Variants in ARHGAP28 observed in about 807,000 individuals in gnomAD.
ARHGAP28 encodes the protein Rho GTPase activating protein 28.
A neutral mutation model predicts 90.7 loss-of-function variants in ARHGAP28; 56 were observed. That is an observed-to-expected ratio of 0.62 (90% CI 0.50 to 0.77). ARHGAP28 has a LOEUF of 0.77. Among genes scored for constraint, ARHGAP28 ranks in the 30% least tolerant of loss-of-function variants. The probability of loss-of-function intolerance (pLI) is 0.00; values close to 1 mark genes in which losing one functional copy is unlikely to be tolerated. For synonymous variants in ARHGAP28, 308 were observed against 323.3 expected (o/e 0.95, Z 0.51); for missense variants, 869 against 900.9 (o/e 0.96, Z 0.45).
In ARHGAP28 at chr18:6,889,848, A is replaced by T. The variant is rs747087674; in HGVS notation, c.1537-40A>T. On this transcript the variant is annotated intron_variant, in intron 12 of 17. Coordinates refer to ENST00000383472, the MANE Select transcript of ARHGAP28 (RefSeq NM_001366230.1). Reference sequence around the variant, plus strand: ...ATGATAGCAATCAGGGGCACTTTTGACAGTGTACAATTGTATGACACAATG... The same window carrying T: ...ATGATAGCAATCAGGGGCACTTTTGTCAGTGTACAATTGTATGACACAATG... The T allele has an allele frequency of 1.9e-6, 3 of 1,592,768 alleles. No individual in the cohort carries two copies. In the Admixed American group the frequency reaches 5.0e-5, roughly 27 times the overall value.
chr18:6,823,053 G>A (rs192297755), intron 1 of ARHGAP28, among the ~76,000 whole-genome samples: 8 of 152,318 alleles, frequency 5.3e-5, no homozygotes, highest in Admixed American at 2.0e-4. Context: ...CCACCTGGGA[G>A]CTCTTGTTTG....
rs1299106516 is a variant in ARHGAP28, at chr18:6,818,610, G to T, written c.123-6152G>T. 4.6e-5 allele frequency among the ~76,000 whole-genome samples: 7 copies of T among 152,164 alleles called. No homozygotes were observed. The East Asian group carries it at 1.3e-3, about 29-fold the overall frequency. On this transcript the variant is annotated intron_variant, in intron 1 of 17. Coordinates refer to ENST00000383472, the MANE Select transcript of ARHGAP28 (RefSeq NM_001366230.1). ...CGAGAGCTGAGACAGCGAATAACTG[G>T]AGGAATGCTACATTAGAGTGGCCTG...
rs148281828 is a variant in ARHGAP28 at position 6,736,607 on chromosome 18, C to T, written c.122+6664C>T. On this transcript the variant is annotated intron_variant, in intron 1 of 17. Transcript: ENST00000383472. ...AAAAAAAAATACAAAATTAGTCGAGCGTGATGGTGGGCGCCTGTAATCCCA... is the reference window on the plus strand; with the variant it reads ...AAAAAAAAATACAAAATTAGTCGAGTGTGATGGTGGGCGCCTGTAATCCCA... Among the ~76,000 whole-genome samples the T allele has an allele frequency of 2.4e-3, 362 of 151,392 alleles. 2 individuals carry two copies. The highest frequency in any genetic ancestry group is 8.4e-3 in the African/African-American group (347 of 41,244).
At chr18:6,888,150 T>A (rs2057236603) in intron 12 of ARHGAP28, among the ~76,000 whole-genome samples, 1 of 152,260 alleles carries the variant, frequency 6.6e-6, no homozygotes, top group Non-Finnish European at 1.5e-5. Flanking sequence ...CACTGATATA[T>A]AGTAGAACAT....
At chr18:6,858,154 T>C (rs1278906723) in intron 4 of ARHGAP28, among the ~76,000 whole-genome samples, 1 of 152,188 alleles carries the variant, frequency 6.6e-6, no homozygotes, top group Non-Finnish European at 1.5e-5. Context: ...GATCGCTTTT[T>C]TTTTGGTGTT....
rs756912359 is a variant in ARHGAP28, at chr18:6,908,999, G to C, written c.2070G>C (p.Arg690Ser). The C allele has an allele frequency of 5.8e-5, 89 of 1,534,824 alleles. No individual in the cohort carries two copies. The highest frequency in any genetic ancestry group is 7.8e-5 in the Non-Finnish European group (87 of 1,113,202). ...AATGTATTAAGATTCAGAACCAAAG[G>C]TTATATGAAATTGGAGGAAATATAG... is the stretch of plus-strand genomic sequence containing the variant. ...SSECIKIQNQ[R>S]LYEIGGNIGE... The change falls in exon 17 of 18, where the codon AGG (arginine) becomes AGC (serine). Residue 690 changes from arginine (R) to serine (S), a missense_variant. Physicochemically the swap from Arg to Ser is moderately radical, Grantham distance 110 (BLOSUM62 -1). Transcript: ENST00000383472.
chr18:6,872,528 A>G (rs1339200322), intron 7 of ARHGAP28, among the ~76,000 whole-genome samples: 1 of 152,226 alleles, frequency 6.6e-6, no homozygotes, highest in Middle Eastern at 3.2e-3. Flanking sequence ...TTAAAGCTTT[A>G]TAATTTAAAT....
chr18:6,852,372 TA>T (rs1434641130), intron 4 of ARHGAP28, among the ~76,000 whole-genome samples: 12 of 152,236 alleles, frequency 7.9e-5, no homozygotes, highest in Non-Finnish European at 1.6e-4. Context: ...ATTGAAAATG[TA>T]AAATAATCCT....
chr18:6,807,948 T>C (rs2056530933), intron 1 of ARHGAP28, among the ~76,000 whole-genome samples: 1 of 152,238 alleles, frequency 6.6e-6, no homozygotes, highest in Non-Finnish European at 1.5e-5. Flanking sequence ...ATTGTAGGGC[T>C]CAACTTGTTT....
chr18:6,752,950 C>CG, intron 1 of ARHGAP28, among the ~76,000 whole-genome samples: 1 of 149,496 alleles, frequency 6.7e-6, no homozygotes, highest in South Asian at 2.1e-4. Context: ...ATTGGCAATA[C>CG]TTTTTTTTTT....
chr18:6,898,802 T>C (rs1403737979), intron 16 of ARHGAP28: 28 of 1,175,448 alleles, frequency 2.4e-5, no homozygotes, highest in South Asian at 5.4e-5. Context: ...CCAAACATCA[T>C]ATGTTCTCAC....
intron 1 of ARHGAP28, among the ~76,000 whole-genome samples, chr18:6,795,107 T>C (rs977194444): frequency 2.0e-5 from 3 of 152,236 alleles, no homozygotes; most frequent in Non-Finnish European, 4.4e-5. Context: ...TAGAATATTT[T>C]CCTGGGTATT....
intron 1 of ARHGAP28, among the ~76,000 whole-genome samples, chr18:6,784,513 T>C (rs2056351393): frequency 6.6e-6 from 1 of 152,190 alleles, no homozygotes; most frequent in African/African-American, 2.4e-5. Context: ...CTCACACTCC[T>C]CTTACCTCTT....
intron 3 of ARHGAP28, among the ~76,000 whole-genome samples, chr18:6,840,711 G>A (rs1297755626): frequency 1.3e-5 from 2 of 152,150 alleles, no homozygotes; most frequent in Admixed American, 1.3e-4. Context: ...GTTCTAGAGA[G>A]AATTGAGAAT....
chr18:6,816,732 G>T (rs1380656018), intron 1 of ARHGAP28, among the ~76,000 whole-genome samples: 2 of 152,138 alleles, frequency 1.3e-5, no homozygotes, highest in African/African-American at 4.8e-5. Context: ...GTAATGTACT[G>T]ATCAAAGCCA....
At chr18:6,752,950 C>CTTT (rs74960797) in intron 1 of ARHGAP28, among the ~76,000 whole-genome samples, 2 of 149,494 alleles carry the variant, frequency 1.3e-5, no homozygotes, top group East Asian at 3.9e-4. Context: ...ATTGGCAATA[C>CTTT]TTTTTTTTTT....
At position 6,824,773 on chromosome 18, in the gene ARHGAP28, C is replaced by G. The variant is rs527942878; in HGVS notation, c.134C>G (p.Pro45Arg). 1 of 1,534,634 alleles carries G rather than the reference C, an allele frequency of 6.5e-7. No homozygotes were observed. The highest frequency in any genetic ancestry group is 2.0e-5 in the Admixed American group (1 of 50,630). The change falls in exon 2 of 18, where the codon CCT becomes CGT. Residue 45 changes from proline (P) to arginine (R), a missense_variant. Transcript: ENST00000383472. ...TATTCTTTCCTCAGAAAATCCATTC[C>G]TCGCTGCCGAAGAATTAACAGGATG... ...ASHPLSRKSI[P>R]RCRRINRMLS...
chr18:6,894,794 T>G, intron 14 of ARHGAP28, 41 bp from the exon 15 acceptor site: 1 of 1,582,460 alleles, frequency 6.3e-7, no homozygotes, highest in Non-Finnish European at 8.7e-7. Flanking sequence ...AACATATGCT[T>G]GTTTTCTCAA....
At chr18:6,815,844 A>G (rs182469613) in intron 1 of ARHGAP28, among the ~76,000 whole-genome samples, 26 of 151,758 alleles carry the variant, frequency 1.7e-4, no homozygotes, top group Admixed American at 1.6e-3. Context: ...CATTACTTGC[A>G]TAGTGCTGTA....
Sources: allele counts gnomAD v4.1 joint callset (sites outside exome capture counted in the v4.1 genomes callset), GRCh38; gene constraint gnomAD v4.1.1; transcripts MANE v1.5; gene names NCBI Gene and HGNC (gene_info 2026-07-23, HGNC 2026-07-21).